ZNF654: variants seen among roughly 807,000 people sequenced by gnomAD.
The protein encoded by ZNF654 is zinc finger protein 654.
Under a neutral mutation model 95.3 loss-of-function variants are expected in ZNF654, and 19 were observed. The observed-to-expected ratio is 0.20, with a 90% confidence interval of 0.14 to 0.29. The LOEUF is 0.29. Among genes scored for constraint, ZNF654 ranks in the 10% least tolerant of loss-of-function variants. The pLI, the probability that ZNF654 is intolerant of heterozygous loss-of-function variation, is 1.00. For missense variants in ZNF654, 1,046 were observed against 1,341.0 expected, an observed-to-expected ratio of 0.78 and a Z score of 3.44; for synonymous variants, 413 against 457.9, an observed-to-expected ratio of 0.90 and a Z score of 1.25.
chr3:88,139,288 A>G lies in ZNF654; in HGVS notation c.1619A>G (p.His540Arg). ...GCTCTCAGTACTTCCAAAGTAGATC[A>G]CAATGTCCCAAGGCATCGTTGTATG... ...LTALSTSKVD[H>R]NVPRHRCMLC... is the part of the protein sequence containing the mutation. The change falls in exon 8 of 9, where the codon CAC becomes CGC. Residue 540 changes from histidine to arginine, a missense_variant. Physicochemically the swap from His to Arg is conservative, Grantham distance 29. Transcript: ENST00000636215. 1 of 1,566,084 alleles carries G rather than the reference A, an allele frequency of 6.4e-7. No homozygotes were observed. Among genetic ancestry groups the G allele is most frequent in the Non-Finnish European group, 8.6e-7 (1 of 1,161,786 alleles).
chr3:88,139,562 G>A lies in ZNF654; in HGVS notation c.1893G>A (p.Gly631=), dbSNP rs1468326918. The A allele has an allele frequency of 3.1e-6, 5 of 1,613,556 alleles. No homozygotes were observed. In the South Asian group the frequency reaches 4.4e-5, roughly 14 times the overall value. The change falls in exon 8 of 9, where the codon GGG becomes GGA. Residue 631 remains glycine, a synonymous_variant. Coordinates refer to ENST00000636215, the MANE Select transcript of ZNF654 (RefSeq NM_001350134.2). ...CSSSSISFEN[G]NSDSKDLEVE... is the part of the protein sequence containing the mutation. ...GTTCTTCCATTTCATTTGAAAATGG[G>A]AATTCTGATAGTAAGGATTTGGAAG...
chr3:88,076,654 G>C (rs1242211157), intron 1 of ZNF654, among the ~76,000 whole-genome samples: 1 of 152,044 alleles, frequency 6.6e-6, no homozygotes, highest in African/African-American at 2.4e-5. Flanking sequence ...TTGTTCATCT[G>C]TTATTTTAAT....
chr3:88,063,727 A>G (rs1219054752), intron 1 of ZNF654, among the ~76,000 whole-genome samples: 2 of 152,206 alleles, frequency 1.3e-5, no homozygotes, highest in Non-Finnish European at 2.9e-5. Flanking sequence ...AGTGGTTCAA[A>G]CAAGGTGGGC....
intron 3 of ZNF654, 62 bp downstream of exon 3, chr3:88,113,258 C>A: frequency 1.0e-6 from 1 of 973,376 alleles, no homozygotes; most frequent in Admixed American, 2.6e-5. Context: ...TATGCTCCCC[C>A]TAAATATAGC....
intron 2 of ZNF654, among the ~76,000 whole-genome samples, chr3:88,097,470 C>T (rs1426274622): frequency 6.6e-6 from 1 of 152,016 alleles, no homozygotes; most frequent in Non-Finnish European, 1.5e-5. Context: ...CTCAGCTCTG[C>T]ACCAAGCAGA....
chr3:88,128,692 G>A (rs1396769870), intron 4 of ZNF654, 117 bp from the exon 5 acceptor site: 1 of 663,868 alleles, frequency 1.5e-6, no homozygotes, highest in Non-Finnish European at 2.4e-6. Context: ...TAAGGAAAAT[G>A]CTATTTAAGT....
chr3:88,062,829 G>A (rs1266056832), intron 1 of ZNF654, among the ~76,000 whole-genome samples: 3 of 152,172 alleles, frequency 2.0e-5, no homozygotes, highest in South Asian at 2.1e-4. Flanking sequence ...AGTATTGTAC[G>A]TAGCACACAG....
chr3:88,133,862 T>TGA (rs1021856186), intron 6 of ZNF654, among the ~76,000 whole-genome samples: 3 of 152,082 alleles, frequency 2.0e-5, no homozygotes, highest in African/African-American at 7.2e-5. Flanking sequence ...ATACTTGAAA[T>TGA]GTAAAGACAC....
chr3:88,068,365 G>C (rs1707320246), intron 1 of ZNF654, among the ~76,000 whole-genome samples: 2 of 152,128 alleles, frequency 1.3e-5, no homozygotes. Context: ...GCACAGAGAA[G>C]TGAAGGGAGA....
intron 1 of ZNF654, among the ~76,000 whole-genome samples, chr3:88,065,054 ATAAAT>A (rs1290872614): frequency 1.3e-5 from 2 of 152,244 alleles, no homozygotes; most frequent in Non-Finnish European, 2.9e-5. Context: ...AATTGCATTG[ATAAAT>A]TTAATTGCAT....
chr3:88,071,898 T>C (rs1398937262), intron 1 of ZNF654, among the ~76,000 whole-genome samples: 1 of 152,242 alleles, frequency 6.6e-6, no homozygotes, highest in African/African-American at 2.4e-5. Context: ...CTCTTATATT[T>C]TGAAGTTAAC....
At position 88,059,310 on chromosome 3, in the gene ZNF654, C is replaced by G; in HGVS notation, c.-10C>G. The G allele has an allele frequency of 6.5e-7, 1 of 1,532,852 alleles. No homozygotes were observed. The highest frequency in any genetic ancestry group is 8.7e-7 in the Non-Finnish European group (1 of 1,146,356). The allele number at this position is 1,532,852 out of a possible 1,614,324, so 95.0% of individuals were successfully genotyped here. A position where few individuals can be genotyped will look rare whatever the true frequency, so the allele number is the denominator to read the frequency against. On this transcript the variant is annotated 5_prime_UTR_variant, in exon 1 of 9. Coordinates refer to ENST00000636215, the MANE Select transcript of ZNF654 (RefSeq NM_001350134.2). ...GCAGGGGCTGGTACGCGCTGGGCGG[C>G]GAGAGCCTCATGGCGGAGGAAGAGA...
chr3:88,079,488 C>T (rs1707974255), intron 1 of ZNF654, among the ~76,000 whole-genome samples: 2 of 151,934 alleles, frequency 1.3e-5, no homozygotes, highest in African/African-American at 2.4e-5. Context: ...AGATGGATGT[C>T]ACATCTATCT....
At chr3:88,121,629 T>A (rs1223799114) in intron 3 of ZNF654, among the ~76,000 whole-genome samples, 1 of 152,162 alleles carries the variant, frequency 6.6e-6, no homozygotes, top group African/African-American at 2.4e-5. Context: ...ATGCATAACA[T>A]CCTTAAATTT....
chr3:88,091,157 C>T (rs1178060692), intron 2 of ZNF654, among the ~76,000 whole-genome samples: 1 of 152,154 alleles, frequency 6.6e-6, no homozygotes, highest in Admixed American at 6.5e-5. Context: ...GACAAAATCA[C>T]CTAATGATGC....
intron 2 of ZNF654, among the ~76,000 whole-genome samples, chr3:88,099,404 A>G (rs2107710030): frequency 6.6e-6 from 1 of 152,226 alleles, no homozygotes; most frequent in East Asian, 1.9e-4. Context: ...ATACTGCCCA[A>G]GGTAATTTAT....
At chr3:88,082,357 C>T (rs1340884589) in intron 1 of ZNF654, among the ~76,000 whole-genome samples, 1 of 152,174 alleles carries the variant, frequency 6.6e-6, no homozygotes, top group East Asian at 1.9e-4. Context: ...GATCTCTTGA[C>T]CTTGTGATCT....
At chr3:88,066,218 T>A (rs190779932) in intron 1 of ZNF654, among the ~76,000 whole-genome samples, 1 of 152,204 alleles carries the variant, frequency 6.6e-6, no homozygotes, top group Non-Finnish European at 1.5e-5. Context: ...TTATACACAG[T>A]CTTTCATTAG....
Position 88,107,749 on chromosome 3 carries a change from T to C in ZNF654, c.333-5366T>C, listed in dbSNP as rs190017592. ...TTTTTTCTTCAGGTGTATCTAATCA[T>C]CCATAAGATCTGCCTGTTGACTTTT... On this transcript the variant is annotated intron_variant, in intron 2 of 8. Transcript: ENST00000636215. Among the ~76,000 whole-genome samples, 10 of 152,268 alleles carry C rather than the reference T, an allele frequency of 6.6e-5. No individual in the cohort carries two copies. In the East Asian group the frequency reaches 1.9e-3, roughly 29 times the overall value.
Sources: allele counts gnomAD v4.1 joint callset (sites outside exome capture counted in the v4.1 genomes callset), GRCh38; gene constraint gnomAD v4.1.1; transcripts MANE v1.5; gene names NCBI Gene and HGNC (gene_info 2026-07-23, HGNC 2026-07-21).